LMF2: variants seen among roughly 807,000 people sequenced by gnomAD.
LMF2 encodes the protein lipase maturation factor 2, also known as transmembrane protein 112B.
A neutral mutation model predicts 81.5 loss-of-function variants in LMF2; 113 were observed. That is an observed-to-expected ratio of 1.39 (90% confidence interval 1.19 to 1.62). LMF2 has a LOEUF of 1.62. LMF2 is among the 40% of genes most tolerant of loss of function. The pLI, the probability that LMF2 is intolerant of heterozygous loss-of-function variation, is 0.00. For synonymous variants in LMF2, 645 were observed against 424.5 expected (o/e 1.52, Z -6.39); for missense variants, 1,235 against 929.1 (o/e 1.33, Z -4.28).
At chr22:50,503,995 CTCA>C (rs752451113) in intron 12 of LMF2, 91 bp from the exon 13 acceptor site, 126 of 1,168,654 alleles carry the variant, frequency 1.1e-4, no homozygotes, top group Non-Finnish European at 1.4e-4. Context: ...TCCTCAGCTC[CTCA>C]CGCTCCACAT....
Position 50,505,707 on chromosome 22 carries a change from G to T in LMF2, c.883C>A (p.Pro295Thr), listed in dbSNP as rs771055667. The T allele has an allele frequency of 6.2e-6, 10 of 1,612,748 alleles. No homozygotes were observed. In the Admixed American group the frequency reaches 1.7e-4, roughly 27 times the overall value. The change falls in exon 6 of 14, where the codon CCT becomes ACT. Residue 295 changes from proline to threonine, a missense_variant. Physicochemically the swap from Pro to Thr is conservative, Grantham distance 38 (BLOSUM62 -1). Transcript: ENST00000474879. Reference protein sequence around the residue: ...LLDDQHLAAEPGHGSRKKTAT... With the variant: ...LLDDQHLAAETGHGSRKKTAT... The stretch of plus-strand genomic sequence containing the variant: ...GTCTTCTTGCGGCTGCCGTGGCCAG[G>T]CTCAGCAGCCAGGTGCTGGTCGTCC...
chr22:50,507,621 A>G lies in LMF2; in HGVS notation c.55T>C (p.Phe19Leu). 1 of 1,560,078 alleles carries G rather than the reference A, an allele frequency of 6.4e-7. No homozygotes were observed. Among genetic ancestry groups the G allele is most frequent in the Non-Finnish European group, 8.7e-7 (1 of 1,152,908 alleles). The change falls in exon 1 of 14, where the codon TTC becomes CTC. Residue 19 changes from phenylalanine to leucine, a missense_variant. Transcript: ENST00000474879. ...QLFLQGVAAV[F>L]MFAFASLYTQ... ...TAGAGGGAAGCGAAAGCAAACATGAAGACGGCCGCCACGCCCTGGAGGAAG... is the reference window on the plus strand; with the variant it reads ...TAGAGGGAAGCGAAAGCAAACATGAGGACGGCCGCCACGCCCTGGAGGAAG...
rs2068495880 is a variant in LMF2 at position 50,504,398 on chromosome 22, G to A, written c.1660C>T (p.Pro554Ser). Residue 554 changes from proline to serine, a missense_variant, in exon 12 of 14, where the codon CCC becomes TCC. Coordinates refer to ENST00000474879, the MANE Select transcript of LMF2 (RefSeq NM_033200.3). ...VARYPFHKQP[P>S]TYVRAQRYKY... ...TAGCGCTGGGCTCGGACGTAGGTGG[G>A]CGGCTGCTTGTGGAAGGGATACCTG... The A allele has an allele frequency of 1.9e-6, 3 of 1,612,434 alleles. No homozygotes were observed. Among genetic ancestry groups the A allele is most frequent in the African/African-American group, 1.3e-5 (1 of 74,932 alleles).
chr22:50,505,084 C>T lies in LMF2; in HGVS notation c.1227G>A (p.Ala409=), dbSNP rs142358655. Residue 409 remains alanine, a synonymous_variant, in exon 9 of 14, where the codon GCG becomes GCA. Transcript: ENST00000474879. ...AVVQLSLVGT[A]TVALFLISLV... ...GGCTAATCAGGAACAAGGCCACGGT[C>T]GCAGTGCCCACAAGGGACAGTTGGA... 1,099 of 1,612,974 alleles carry T rather than the reference C, an allele frequency of 6.8e-4. 11 individuals carry two copies. In the Admixed American group the frequency reaches 0.017, roughly 24 times the overall value.
chr22:50,504,825 T>C lies in LMF2; in HGVS notation c.1414A>G (p.Ser472Gly), dbSNP rs1426927219. 1 of 1,607,466 alleles carries C rather than the reference T, an allele frequency of 6.2e-7. No homozygotes were observed. The highest frequency in any genetic ancestry group is 8.5e-7 in the Non-Finnish European group (1 of 1,176,246). ...GGRPEVVLEG[S>G]YDGHHWTEIE... Reference sequence around the variant, plus strand: ...ACCGTCCAGTGGTGGCCGTCGTAACTGCCCTCCAGCACCACCTCAGGCCGT... The same window carrying C: ...ACCGTCCAGTGGTGGCCGTCGTAACCGCCCTCCAGCACCACCTCAGGCCGT... The change falls in exon 10 of 14, where the codon AGT becomes GGT. Residue 472 changes from serine (S) to glycine (G), a missense_variant. Coordinates refer to ENST00000474879, the MANE Select transcript of LMF2 (RefSeq NM_033200.3).
rs1308817099 is a variant in LMF2 at position 50,507,687 on chromosome 22, G to C, written c.-12C>G. ...CGGGAGCCCGCCATGTCCGCTACGCGGCCCGCTAGAGCAGGGCCCGCCCTC... is the reference window on the plus strand; with the variant it reads ...CGGGAGCCCGCCATGTCCGCTACGCCGCCCGCTAGAGCAGGGCCCGCCCTC... On this transcript the variant is annotated 5_prime_UTR_variant, in exon 1 of 14. Transcript: ENST00000474879. The C allele has an allele frequency of 7.8e-6, 12 of 1,546,824 alleles. No homozygotes were observed. Among genetic ancestry groups the C allele is most frequent in the East Asian group, 2.4e-5 (1 of 40,902 alleles).
chr22:50,506,940 G>C lies in LMF2; in HGVS notation c.190C>G (p.Leu64Val), dbSNP rs1187789260. ...WQQLWETPTLLWEAPRLGLDT... is the reference protein window; with the variant it reads ...WQQLWETPTLVWEAPRLGLDT... ...AGCCCCAGTCTCGGCGCTTCCCACA[G>C]CAGCGTCGGGGTCTCCCACAGCTGC... Residue 64 changes from leucine (L) to valine (V), a missense_variant, in exon 2 of 14, where the codon CTG becomes GTG. Leu to Val is a conservative substitution (Grantham distance 32). Transcript: ENST00000474879. 6.3e-7 allele frequency: 1 copy of C among 1,579,814 alleles called. No individual in the cohort carries two copies. The highest frequency in any genetic ancestry group is 1.8e-5 in the Admixed American group (1 of 55,744).
rs1277906828 is a variant in LMF2, at chr22:50,506,115, T to C, written c.694A>G (p.Thr232Ala). The change falls in exon 5 of 14, where the codon ACC becomes GCC. Residue 232 changes from threonine to alanine, a missense_variant. Thr to Ala is a moderately conservative substitution (Grantham distance 58, BLOSUM62 0). Coordinates refer to ENST00000474879, the MANE Select transcript of LMF2 (RefSeq NM_033200.3). Reference sequence around the variant, plus strand: ...GGCACAGCGATCTCAATTAGGAAGGTGGCCACCACGCTGAGCTTGTGCAGC... The same window carrying C: ...GGCACAGCGATCTCAATTAGGAAGGCGGCCACCACGCTGAGCTTGTGCAGC... Reference protein sequence around the residue: ...VWLHKLSVVATFLIEIAVPPL... With the variant: ...VWLHKLSVVAAFLIEIAVPPL... 1 of 1,585,186 alleles carries C rather than the reference T, an allele frequency of 6.3e-7. No homozygotes were observed. Among genetic ancestry groups the C allele is most frequent in the Admixed American group, 1.8e-5 (1 of 55,174 alleles).
Position 50,506,631 on chromosome 22 carries a change from C to T in LMF2, c.377+7G>A, listed in dbSNP as rs2068582868. The T allele has an allele frequency of 3.7e-6, 6 of 1,612,520 alleles. No homozygotes were observed. The highest frequency in any genetic ancestry group is 5.1e-6 in the Non-Finnish European group (6 of 1,179,494). On this transcript the variant is annotated splice_region_variant and intron_variant, in intron 3 of 13. Transcript: ENST00000474879. ...CTCCCACAGCCCCAGGCCCAGCCGT[C>T]ACTCACCACTGGAAATAAAGGAACA... is the stretch of plus-strand genomic sequence containing the variant.
Position 50,503,914 on chromosome 22 carries a change from G to A in LMF2, c.1719-10C>T. The A allele has an allele frequency of 6.2e-7, 1 of 1,603,538 alleles. No individual in the cohort carries two copies. The highest frequency in any genetic ancestry group is 1.3e-5 in the African/African-American group (1 of 74,884). Reference sequence around the variant, plus strand: ...GCGCCGCCACCACTGGCTGCAGCAGGACCCGATGTTCAGAAGCTGGAGGCA... The same window carrying A: ...GCGCCGCCACCACTGGCTGCAGCAGAACCCGATGTTCAGAAGCTGGAGGCA... On this transcript the variant is annotated splice_polypyrimidine_tract_variant and intron_variant, in intron 12 of 13. Coordinates refer to ENST00000474879, the MANE Select transcript of LMF2 (RefSeq NM_033200.3).
At position 50,507,666 on chromosome 22, in the gene LMF2, A is replaced by T; in HGVS notation, c.10T>A (p.Ser4Thr). MAG[S>T]RLPRQLFLQG... ...AGGAAGAGCTGCCGCGGGAGCCGGGAGCCCGCCATGTCCGCTACGCGGCCC... is the reference window on the plus strand; with the variant it reads ...AGGAAGAGCTGCCGCGGGAGCCGGGTGCCCGCCATGTCCGCTACGCGGCCC... The change falls in exon 1 of 14, where the codon TCC (serine) becomes ACC (threonine). Residue 4 changes from serine to threonine, a missense_variant. By Grantham distance (58) the Ser-to-Thr change is moderately conservative (BLOSUM62 1). Coordinates refer to ENST00000474879, the MANE Select transcript of LMF2 (RefSeq NM_033200.3). The T allele has an allele frequency of 6.5e-7, 1 of 1,549,646 alleles. No homozygotes were observed. The highest frequency in any genetic ancestry group is 8.7e-7 in the Non-Finnish European group (1 of 1,147,138).
At chr22:50,507,110 G>C in intron 1 of LMF2, 75 bp from the exon 2 acceptor site, 1 of 1,515,010 alleles carries the variant, frequency 6.6e-7, no homozygotes, top group Non-Finnish European at 8.8e-7. Flanking sequence ...AGGGCCTGCA[G>C]ATCCCCCAGC....
At chr22:50,504,490 G>A (rs967493952) in intron 11 of LMF2, 39 bp from the exon 12 acceptor site, 19 of 910,440 alleles carry the variant, frequency 2.1e-5, no homozygotes, top group Admixed American at 4.2e-5. Context: ...CACAGTACCC[G>A]CCCTGCCCCT....
rs1364181306 is a variant in LMF2, at chr22:50,506,083, C to G, written c.726G>C (p.Leu242=). 6.3e-7 allele frequency: 1 copy of G among 1,591,578 alleles called. No individual in the cohort carries two copies. Among genetic ancestry groups the G allele is most frequent in the East Asian group, 2.3e-5 (1 of 44,146 alleles). The change falls in exon 5 of 14, where the codon CTG becomes CTC. Residue 242 remains leucine, a synonymous_variant. Transcript: ENST00000474879. ...GCAGGCGTCGAATGGGGGCGAAGAA[C>G]AGGGGCGGCACAGCGATCTCAATTA... ...TFLIEIAVPP[L]FFAPIRRLRL...
Position 50,506,307 on chromosome 22 carries a change from G to A in LMF2, c.573C>T (p.Cys191=). Residue 191 remains cysteine, a synonymous_variant, in exon 4 of 14, where the codon TGC becomes TGT. Transcript: ENST00000474879. ...CACCAGTGAGCCCCCACCACGCAGGGCAGCGGCTGGTCAGCTTGACCACGC... is the reference window on the plus strand; with the variant it reads ...CACCAGTGAGCCCCCACCACGCAGGACAGCGGCTGGTCAGCTTGACCACGC... ...ASGVVKLTSR[C]PAWWGLTALT... is the part of the protein sequence containing the mutation. 1 of 1,549,508 alleles carries A rather than the reference G, an allele frequency of 6.5e-7. No individual in the cohort carries two copies. Among genetic ancestry groups the A allele is most frequent in the East Asian group, 2.4e-5 (1 of 40,910 alleles).
At chr22:50,507,161 G>T in intron 1 of LMF2, 126 bp from the exon 2 acceptor site, 1 of 1,410,698 alleles carries the variant, frequency 7.1e-7, no homozygotes, top group Non-Finnish European at 9.3e-7. Context: ...CTAGGTCAGA[G>T]TCTGCAGTCC....
chr22:50,506,944 C>T lies in LMF2; in HGVS notation c.186G>A (p.Thr62=), dbSNP rs760930086. 3.2e-6 allele frequency: 5 copies of T among 1,580,368 alleles called. No individual in the cohort carries two copies. The highest frequency in any genetic ancestry group is 3.4e-6 in the Non-Finnish European group (4 of 1,167,534). ...CCAGTCTCGGCGCTTCCCACAGCAG[C>T]GTCGGGGTCTCCCACAGCTGCTGCC... is the stretch of plus-strand genomic sequence containing the variant. ...GRWQQLWETP[T]LLWEAPRLGL... is the part of the protein sequence containing the mutation. The change falls in exon 2 of 14, where the codon ACG becomes ACA. Residue 62 remains threonine (T), a synonymous_variant. Transcript: ENST00000474879.
chr22:50,504,706 G>A lies in LMF2; in HGVS notation c.1459C>T (p.Pro487Ser). Residue 487 changes from proline to serine, a missense_variant, in exon 11 of 14, where the codon CCT (proline) becomes TCT (serine). Transcript: ENST00000474879. ...GGGGGCGGCCGGCTCAGGTTCCCAG[G>A]CTTGTACATGAACTCGATCTCCTGC... Reference protein sequence around the residue: ...HWTEIEFMYKPGNLSRPPPVV... With the variant: ...HWTEIEFMYKSGNLSRPPPVV... The A allele has an allele frequency of 6.2e-7, 1 of 1,610,094 alleles. No homozygotes were observed. The highest frequency in any genetic ancestry group is 1.1e-5 in the South Asian group (1 of 91,064).
rs369032081 is a variant in LMF2, at chr22:50,506,273, C to G, written c.595+12G>C. ...CCCCCAGACTACCCCAGGTCCAGAC[C>G]GGGCCCCTCACCAGTGAGCCCCCAC... On this transcript the variant is annotated intron_variant, in intron 4 of 13. Coordinates refer to ENST00000474879, the MANE Select transcript of LMF2 (RefSeq NM_033200.3). The G allele has an allele frequency of 9.0e-6, 14 of 1,548,404 alleles. No homozygotes were observed. The highest frequency in any genetic ancestry group is 2.7e-5 in the African/African-American group (2 of 73,016).
Sources: allele counts gnomAD v4.1 joint callset, GRCh38; gene constraint gnomAD v4.1.1; transcripts MANE v1.5; gene names NCBI Gene and HGNC (gene_info 2026-07-23, HGNC 2026-07-21).